ATXN10: variants seen among roughly 807,000 people sequenced by gnomAD.
ATXN10 encodes the protein ataxin 10.
In ATXN10, 28 loss-of-function variants were observed where a neutral mutation model predicts 52.9. The ratio of observed to expected loss-of-function variants is 0.53; its 90% CI spans 0.39 to 0.73. The LOEUF (loss-of-function observed/expected upper bound fraction) is 0.73, where lower values mean the gene tolerates loss of function less well. Ranked by LOEUF, ATXN10 falls within the 30% of genes least tolerant of loss-of-function variation. The pLI, the probability that ATXN10 is intolerant of heterozygous loss-of-function variation, is 0.00. For synonymous variants in ATXN10, 226 were observed against 221.5 expected (o/e 1.02, Z -0.18); for missense variants, 565 against 577.0 (o/e 0.98, Z 0.21).
intron 10 of ATXN10, among the ~76,000 whole-genome samples, chr22:45,809,648 G>A (rs371410102): frequency 1.6e-4 from 25 of 152,178 alleles, no homozygotes; most frequent in Admixed American, 9.2e-4. Flanking sequence ...TGTTGCCCAC[G>A]CTGTAAATGA....
intron 2 of ATXN10, 54 bp from the exon 3 acceptor site, chr22:45,692,942 G>A (rs952983559): frequency 1.4e-6 from 2 of 1,462,884 alleles, no homozygotes; most frequent in African/African-American, 2.8e-5. Flanking sequence ...AACAGCCATA[G>A]ACAATATATG....
chr22:45,800,632 T>C (rs554271981), intron 9 of ATXN10, among the ~76,000 whole-genome samples: 1 of 152,340 alleles, frequency 6.6e-6, no homozygotes, highest in South Asian at 2.1e-4. Context: ...CATGAAAAGA[T>C]ACAGATGCAT....
At position 45,835,074 on chromosome 22, in the gene ATXN10, T is replaced by C. The variant is rs915932020; in HGVS notation, c.1238-7917T>C. 3.3e-5 allele frequency among the ~76,000 whole-genome samples: 5 copies of C among 152,150 alleles called. No individual in the cohort carries two copies. The highest frequency in any genetic ancestry group is 4.8e-5 in the African/African-American group (2 of 41,436). On this transcript the variant is annotated intron_variant, in intron 10 of 11. Transcript: ENST00000252934. This position sits in a 1 kb window ranked among gnomAD's most constrained non-coding sequence, Gnocchi z 5.0. Reference sequence around the variant, plus strand: ...TTCCAGAGCATGTCATGTACAAAATTAGTTTCATTGCCACAGGATCCTTCA... The same window carrying C: ...TTCCAGAGCATGTCATGTACAAAATCAGTTTCATTGCCACAGGATCCTTCA...
intron 1 of ATXN10, 151 bp downstream of exon 1, chr22:45,672,330 C>G: frequency 1.2e-6 from 1 of 867,854 alleles, no homozygotes; most frequent in Non-Finnish European, 1.5e-6. Context: ...ACCCAGGCCT[C>G]CCGACTCCCA....
At chr22:45,761,400 C>T (rs1926385347) in intron 9 of ATXN10, among the ~76,000 whole-genome samples, 1 of 152,204 alleles carries the variant, frequency 6.6e-6, no homozygotes, top group South Asian at 2.1e-4. Context: ...ACAGTGAGTG[C>T]TCTGTAAACT....
rs1928768198 is a variant in ATXN10 at position 45,824,916 on chromosome 22, C to G, written c.1237+17894C>G. On this transcript the variant is annotated intron_variant, in intron 10 of 11. Transcript: ENST00000252934. This position sits in a 1 kb window ranked among gnomAD's most constrained non-coding sequence, Gnocchi z 5.2. ...CTCCTAGACAACATTTGTACTGAATCTGATGTAACTGTTTTGGTACGCTGA... is the reference window on the plus strand; with the variant it reads ...CTCCTAGACAACATTTGTACTGAATGTGATGTAACTGTTTTGGTACGCTGA... Among the ~76,000 whole-genome samples, 1 of 152,172 alleles carries G rather than the reference C, an allele frequency of 6.6e-6. No homozygotes were observed. Among genetic ancestry groups the G allele is most frequent in the South Asian group, 2.1e-4 (1 of 4,830 alleles).
At position 45,754,055 on chromosome 22, in the gene ATXN10, T is replaced by C. The variant is rs545235825; in HGVS notation, c.1173+13517T>C. ...GCCTCTCTGGGTTTTATTTCTGGCCTCTGAGAATGATGCTCACACTGCCCA... is the reference window on the plus strand; with the variant it reads ...GCCTCTCTGGGTTTTATTTCTGGCCCCTGAGAATGATGCTCACACTGCCCA... On this transcript the variant is annotated intron_variant, in intron 9 of 11. Transcript: ENST00000252934. The surrounding 1 kb of genome is among the most constrained non-coding windows in gnomAD (Gnocchi z 5.4). Among the ~76,000 whole-genome samples the C allele has an allele frequency of 4.2e-4, 64 of 152,326 alleles. No homozygotes were observed. Among genetic ancestry groups the C allele is most frequent in the African/African-American group, 1.4e-3 (60 of 41,578 alleles).
intron 5 of ATXN10, among the ~76,000 whole-genome samples, chr22:45,711,003 T>G (rs1924225993): frequency 6.6e-6 from 1 of 152,214 alleles, no homozygotes; most frequent in Non-Finnish European, 1.5e-5. Flanking sequence ...TCTCTAGAAC[T>G]CTATACAGGC....
chr22:45,823,733 G>A lies in ATXN10; in HGVS notation c.1237+16711G>A, dbSNP rs764377462. On this transcript the variant is annotated intron_variant, in intron 10 of 11. Coordinates refer to ENST00000252934, the MANE Select transcript of ATXN10 (RefSeq NM_013236.4). The surrounding 1 kb of genome is among the most constrained non-coding windows in gnomAD (Gnocchi z 4.9). ...TATCATTATGTTCATGGATTTATTC[G>A]GCAGGTGTTTATTGAGTAGCTGGCA... 1.1e-4 allele frequency among the ~76,000 whole-genome samples: 16 copies of A among 152,220 alleles called. No homozygotes were observed. Among genetic ancestry groups the A allele is most frequent in the African/African-American group, 2.9e-4 (12 of 41,526 alleles).
chr22:45,795,606 G>A lies in ATXN10; in HGVS notation c.1174-11353G>A, dbSNP rs1007824744. On this transcript the variant is annotated intron_variant, in intron 9 of 11. Coordinates refer to ENST00000252934, the MANE Select transcript of ATXN10 (RefSeq NM_013236.4). This position sits in a 1 kb window ranked among gnomAD's most constrained non-coding sequence, Gnocchi z 4.6. ...GTATTTTTAGTAGAGACGGTGTTTC[G>A]GGAAGTCAGGGACCCTGAACGGAGG... 1.3e-5 allele frequency among the ~76,000 whole-genome samples: 2 copies of A among 151,978 alleles called. No homozygotes were observed. The highest frequency in any genetic ancestry group is 2.1e-4 in the South Asian group (1 of 4,808).
chr22:45,826,302 A>C lies in ATXN10; in HGVS notation c.1238-16689A>C, dbSNP rs1928812649. On this transcript the variant is annotated intron_variant, in intron 10 of 11. Coordinates refer to ENST00000252934, the MANE Select transcript of ATXN10 (RefSeq NM_013236.4). The surrounding 1 kb of genome is among the most constrained non-coding windows in gnomAD (Gnocchi z 5.0). ...TAGAAAAGTGAACAGAGCCTAAGGG[A>C]TATGTGGAACACCATCAAGCCAACC... 6.6e-6 allele frequency among the ~76,000 whole-genome samples: 1 copy of C among 152,200 alleles called. No homozygotes were observed. Among genetic ancestry groups the C allele is most frequent in the Non-Finnish European group, 1.5e-5 (1 of 68,028 alleles).
intron 5 of ATXN10, among the ~76,000 whole-genome samples, chr22:45,716,123 C>T (rs897233083): frequency 1.3e-5 from 2 of 151,890 alleles, no homozygotes; most frequent in African/African-American, 2.4e-5. Flanking sequence ...AAAAAAGCTG[C>T]GTATGGTGGC....
intron 9 of ATXN10, among the ~76,000 whole-genome samples, chr22:45,776,599 G>A (rs1329862685): frequency 6.6e-6 from 1 of 151,940 alleles, no homozygotes; most frequent in Non-Finnish European, 1.5e-5. Flanking sequence ...AAGCAGCCTG[G>A]TTTGGAAGCC....
Position 45,840,377 on chromosome 22 carries a change from A to G in ATXN10, c.1238-2614A>G, listed in dbSNP as rs1601680349. 1.3e-5 allele frequency among the ~76,000 whole-genome samples: 2 copies of G among 152,302 alleles called. No homozygotes were observed. The highest frequency in any genetic ancestry group is 4.1e-4 in the South Asian group (2 of 4,820). ...TTGGAAACAGACAGCAGGTGCACCT[A>G]ATCTAAGCAGGTGCCGAGGGGTAGC... On this transcript the variant is annotated intron_variant, in intron 10 of 11. Transcript: ENST00000252934. The surrounding 1 kb of genome is among the most constrained non-coding windows in gnomAD (Gnocchi z 5.8).
chr22:45,707,872 C>T (rs1357631530), intron 5 of ATXN10, among the ~76,000 whole-genome samples: 3 of 152,038 alleles, frequency 2.0e-5, no homozygotes, highest in Non-Finnish European at 4.4e-5. Flanking sequence ...GTTGTTTTTG[C>T]TGTTAAATAT....
At chr22:45,738,028 G>T (rs561713503) in intron 7 of ATXN10, among the ~76,000 whole-genome samples, 1 of 152,046 alleles carries the variant, frequency 6.6e-6, no homozygotes, top group Non-Finnish European at 1.5e-5. Flanking sequence ...CAAATGATGG[G>T]TACTTTAAAA....
At chr22:45,689,575 T>C in intron 1 of ATXN10, 137 bp from the exon 2 acceptor site, 6 of 600,428 alleles carry the variant, frequency 1.0e-5, no homozygotes, top group Non-Finnish European at 1.8e-5. Flanking sequence ...TTTTATTTGG[T>C]GTTGTAAATT....
intron 7 of ATXN10, among the ~76,000 whole-genome samples, chr22:45,730,968 G>T (rs1405225879): frequency 1.3e-5 from 2 of 152,140 alleles, no homozygotes; most frequent in Non-Finnish European, 2.9e-5. Context: ...TACTGTCCTG[G>T]TTAATTATTT....
chr22:45,700,249 A>G, intron 3 of ATXN10, 33 bp from the exon 4 acceptor site: 1 of 1,318,364 alleles, frequency 7.6e-7, no homozygotes, highest in Non-Finnish European at 1.1e-6. Flanking sequence ...TTAATCATTT[A>G]TTTATTTATT....
Sources: allele counts gnomAD v4.1 joint callset (sites outside exome capture counted in the v4.1 genomes callset), GRCh38; gene constraint gnomAD v4.1.1; non-coding constraint Gnocchi (gnomAD v3.1); transcripts MANE v1.5; gene names NCBI Gene and HGNC (gene_info 2026-07-23, HGNC 2026-07-21).